Variants in SLC2A14 observed in about 807,000 individuals in gnomAD.
SLC2A14 encodes solute carrier family 2 member 14, also known as solute carrier family 2, facilitated glucose transporter member 14.
SLC2A14 carries 13 observed loss-of-function variants against 43.0 expected under a neutral mutation model. The observed-to-expected ratio is 0.30, with a 90% CI of 0.20 to 0.48. The LOEUF (loss-of-function observed/expected upper bound fraction) is 0.48. Ranked by LOEUF, SLC2A14 falls within the 20% of genes least tolerant of loss-of-function variation. SLC2A14 has a pLI of 0.99. For synonymous variants in SLC2A14, 190 were observed against 233.8 expected, an observed-to-expected ratio of 0.81 and a Z score of 1.71; for missense variants, 428 against 620.4, an observed-to-expected ratio of 0.69 and a Z score of 3.29.
chr12:7,856,110 C>T (rs1867350096), intron 2 of SLC2A14: 1 of 152,038 alleles, frequency 6.6e-6, no homozygotes, highest in South Asian at 2.1e-4. Flanking sequence ...AGTCATTTTC[C>T]AAAACTTCAG....
chr12:7,849,079 C>T (rs1398292816), intron 2 of SLC2A14, among the ~76,000 whole-genome samples: 1 of 151,944 alleles, frequency 6.6e-6, no homozygotes, highest in Non-Finnish European at 1.5e-5. Context: ...GTCTGGCACT[C>T]CTGACCTCAG....
chr12:7,857,465 G>T (rs1397279918), intron 2 of SLC2A14, among the ~76,000 whole-genome samples: 1 of 151,924 alleles, frequency 6.6e-6, no homozygotes, highest in Non-Finnish European at 1.5e-5. Context: ...GTGCACACCT[G>T]TAATCCCAGC....
intron 10 of SLC2A14, among the ~76,000 whole-genome samples, chr12:7,817,612 C>CAA (rs1458427504): frequency 6.6e-6 from 1 of 151,992 alleles, no homozygotes; most frequent in African/African-American, 2.4e-5. Flanking sequence ...ACTAAACATA[C>CAA]AAAAATTAGC....
intron 8 of SLC2A14, among the ~76,000 whole-genome samples, chr12:7,819,948 TAC>T (rs1863783180): frequency 2.7e-5 from 1 of 37,686 alleles, no homozygotes; most frequent in African/African-American, 1.2e-4. Context: ...GAAGAAACGC[TAC>T]AGAGAGGCCA....
chr12:7,833,420 T>G (rs1865193988), intron 2 of SLC2A14, among the ~76,000 whole-genome samples: 1 of 152,130 alleles, frequency 6.6e-6, no homozygotes, highest in South Asian at 2.1e-4. Context: ...ATCCCTAACC[T>G]AACCCCCGGG....
intron 2 of SLC2A14, among the ~76,000 whole-genome samples, chr12:7,866,142 T>A (rs775808355): frequency 6.8e-6 from 1 of 146,222 alleles, no homozygotes; most frequent in East Asian, 2.1e-4. Context: ...GGAGAATCGC[T>A]GGAACCCAGT....
intron 10 of SLC2A14, among the ~76,000 whole-genome samples, chr12:7,815,112 T>A (rs1483581017): frequency 6.6e-6 from 1 of 151,500 alleles, no homozygotes; most frequent in Non-Finnish European, 1.5e-5. Flanking sequence ...GTATTATTTT[T>A]AAAATCTGTG....
rs547890560 is a variant in SLC2A14, at chr12:7,828,091, C to T, written c.677-409G>A. 6.1e-3 allele frequency among the ~76,000 whole-genome samples: 932 copies of T among 151,950 alleles called. 4 individuals carry two copies. Among genetic ancestry groups the T allele is most frequent in the Non-Finnish European group, 0.011 (730 of 67,960 alleles). On this transcript the variant is annotated intron_variant, in intron 6 of 10. Coordinates refer to ENST00000431042, the MANE Select transcript of SLC2A14 (RefSeq NM_001286234.2). The stretch of plus-strand genomic sequence containing the variant: ...AAATACAAATTAGATGGGTTGGGCG[C>T]GGTGGCTCACACCTGTAATCCCATC...
chr12:7,823,794 C>G (rs1299114634), intron 7 of SLC2A14, among the ~76,000 whole-genome samples: 1 of 151,958 alleles, frequency 6.6e-6, no homozygotes, highest in African/African-American at 2.4e-5. Flanking sequence ...TCTAGGTTAC[C>G]CAGGTTCACT....
intron 2 of SLC2A14, chr12:7,856,322 G>C (rs755755794): frequency 6.6e-6 from 1 of 152,168 alleles, no homozygotes; most frequent in Non-Finnish European, 1.5e-5. Flanking sequence ...CCCACGAGCG[G>C]GGGACCACAA....
rs182850396 is a variant in SLC2A14 at position 7,880,732 on chromosome 12, C to A, written c.132+10264G>T. 4.2e-3 allele frequency among the ~76,000 whole-genome samples: 611 copies of A among 146,328 alleles called. 7 individuals carry two copies. The highest frequency in any genetic ancestry group is 7.2e-3 in the Non-Finnish European group (483 of 67,072). On this transcript the variant is annotated intron_variant, in intron 1 of 9. Coordinates refer to the SLC2A14 transcript ENST00000539924. ...AAAAAAAAGAGAGAAATTGGCCGGG[C>A]GCAGTGGCTCATGCTTGTAATCCCT...
rs1434547609 is a variant in SLC2A14, at chr12:7,838,421, AGAATTTTGAACTTG to A, written c.19-5621_19-5608del. On this transcript the variant is annotated intron_variant, in intron 2 of 10. Coordinates refer to ENST00000431042, the MANE Select transcript of SLC2A14 (RefSeq NM_001286234.2). ...TTTAAAAAATGGAATTTGCCTTACT[AGAATTTTGAACTTG>A]GAAGACCAGGTACCCCTTTCTTCTT... Among the ~76,000 whole-genome samples, 3 of 152,280 alleles carry A rather than the reference AGAATTTTGAACTTG, an allele frequency of 2.0e-5. No individual in the cohort carries two copies. In the East Asian group the frequency reaches 5.8e-4, roughly 29 times the overall value.
At chr12:7,840,796 G>A (rs576039807) in intron 2 of SLC2A14, among the ~76,000 whole-genome samples, 3 of 152,282 alleles carry the variant, frequency 2.0e-5, no homozygotes, top group Non-Finnish European at 4.4e-5. Context: ...CAACCTACTG[G>A]CGGTCTAGAC....
rs1483390301 is a variant in SLC2A14 at position 7,859,914 on chromosome 12, C to T, written c.18+9949G>A. Among the ~76,000 whole-genome samples the T allele has an allele frequency of 2.6e-5, 4 of 152,126 alleles. No homozygotes were observed. The East Asian group carries it at 7.7e-4, about 29-fold the overall frequency. ...TGGGAAACGTGGCATTTATATGGAC[C>T]TTGAAAGATGAAAAGAATTTTGAGA... On this transcript the variant is annotated intron_variant, in intron 2 of 10. Transcript: ENST00000431042.
chr12:7,878,786 G>A (rs11614661), intron 1 of SLC2A14, among the ~76,000 whole-genome samples: 23,222 of 151,100 alleles, frequency 0.15, 2,078 homozygotes, highest in Non-Finnish European at 0.2. Context: ...AGACCATCCT[G>A]GCCAACATGG....
chr12:7,855,021 G>A lies in SLC2A14; in HGVS notation c.18+14842C>T, dbSNP rs757870220. Among the ~76,000 whole-genome samples, 65 of 152,024 alleles carry A rather than the reference G, an allele frequency of 4.3e-4. 1 individual carries two copies. The highest frequency in any genetic ancestry group is 4.1e-4 in the Non-Finnish European group (28 of 67,962). The stretch of plus-strand genomic sequence containing the variant: ...AACAGGGTTTCACCATGTTGGCGAG[G>A]CTGGTCTTGAACTCCTGACCTCGTG... On this transcript the variant is annotated intron_variant, in intron 2 of 10. Coordinates refer to ENST00000431042, the MANE Select transcript of SLC2A14 (RefSeq NM_001286234.2).
rs903465964 is a variant in SLC2A14 at position 7,872,796 on chromosome 12, G to A, written c.-58+11C>T. The A allele has an allele frequency of 1.0e-6, 1 of 985,466 alleles. No homozygotes were observed. The highest frequency in any genetic ancestry group is 1.2e-6 in the Non-Finnish European group (1 of 830,038). 61.0% of individuals were successfully genotyped at this position (985,466 alleles called of 1,614,324 possible). A position where few individuals can be genotyped will look rare whatever the true frequency, so the allele number is the denominator to read the frequency against. On this transcript the variant is annotated intron_variant, in intron 1 of 10. Coordinates refer to ENST00000431042, the MANE Select transcript of SLC2A14 (RefSeq NM_001286234.2). ...CACCCCCCGGCCGCAGGGACGGCGC[G>A]GCGCACCCACCTCCCAGACCCCGCG...
At chr12:7,837,427 G>A (rs942865697) in intron 2 of SLC2A14, among the ~76,000 whole-genome samples, 4 of 151,994 alleles carry the variant, frequency 2.6e-5, no homozygotes, top group African/African-American at 9.7e-5. Context: ...ATCACCTGAA[G>A]TTGGGAGTTC....
chr12:7,826,834 T>C (rs111562362), intron 7 of SLC2A14, among the ~76,000 whole-genome samples: 1,254 of 29,506 alleles, frequency 0.042, 22 homozygotes, highest in Middle Eastern at 0.11. Context: ...TCTTTCTTTC[T>C]TTCCTTCCTT....
Sources: gnomAD v4.1 joint callset for allele counts (sites outside exome capture counted in the v4.1 genomes callset) on GRCh38, gnomAD v4.1.1 for gene constraint, MANE v1.5 for transcripts, NCBI Gene and HGNC (gene_info 2026-07-23, HGNC 2026-07-21) for gene names.